Variants in KLHL4 observed in about 807,000 individuals in gnomAD.
KLHL4 encodes kelch like family member 4, also known as kelch-like protein 4.
In KLHL4, 17 loss-of-function variants were observed where a neutral mutation model predicts 45.8. The ratio of observed to expected loss-of-function variants is 0.37; its 90% CI spans 0.25 to 0.56. The LOEUF is 0.56. Among genes scored for constraint, KLHL4 ranks in the 20% least tolerant of loss-of-function variants. KLHL4 has a pLI of 0.79. For missense variants in KLHL4, 544 were observed against 544.9 expected (o/e 1.00, Z 0.02); for synonymous variants, 224 against 189.9 (o/e 1.18, Z -1.47).
chrX:87,597,418 T>C (rs748414647), intron 1 of KLHL4, among the ~76,000 whole-genome samples: 4 of 111,615 alleles, frequency 3.6e-5, no homozygotes, highest in African/African-American at 1.3e-4. Flanking sequence ...GTGGCACAGG[T>C]ATTAATACCA....
intron 1 of KLHL4, among the ~76,000 whole-genome samples, chrX:87,586,473 A>C (rs1921475254): frequency 1.8e-5 from 2 of 111,393 alleles, no homozygotes; most frequent in Non-Finnish European, 1.9e-5. Flanking sequence ...TAACAAGATA[A>C]ATTTTAGCAA....
chrX:87,646,642 G>T (rs905423601), intron 9 of KLHL4, among the ~76,000 whole-genome samples: 1 of 111,518 alleles, frequency 9.0e-6, no homozygotes, highest in Non-Finnish European at 1.9e-5. Flanking sequence ...CATAAAGTGG[G>T]GAAAGGACAC....
chrX:87,628,797 C>T (rs1923015039), intron 6 of KLHL4, among the ~76,000 whole-genome samples: 1 of 111,702 alleles, frequency 9.0e-6, no homozygotes, highest in African/African-American at 3.2e-5. Flanking sequence ...CTCTCTGACT[C>T]ATATAACAAG....
intron 1 of KLHL4, among the ~76,000 whole-genome samples, chrX:87,572,067 T>C (rs909892029): frequency 2.7e-5 from 3 of 111,328 alleles, no homozygotes; most frequent in Non-Finnish European, 5.7e-5. Context: ...AAGCAATCAG[T>C]TGAAATTCTG....
chrX:87,639,890 G>A (rs1381295121), intron 9 of KLHL4, among the ~76,000 whole-genome samples: 1 of 109,124 alleles, frequency 9.2e-6, no homozygotes, highest in Non-Finnish European at 1.9e-5. Context: ...AAATACAAAA[G>A]AGAAAACACA....
intron 3 of KLHL4, among the ~76,000 whole-genome samples, chrX:87,615,854 G>T (rs1245284332): frequency 1.8e-5 from 2 of 111,223 alleles, no homozygotes; most frequent in Non-Finnish European, 3.8e-5. Context: ...TAGGTATGGA[G>T]TTCCTTTTGG....
chrX:87,617,869 T>G, intron 3 of KLHL4, 63 bp from the exon 4 acceptor site: 1 of 954,329 alleles, frequency 1.0e-6, no homozygotes, highest in South Asian at 2.6e-5. Context: ...AAATGTCAAC[T>G]AGTTGACGTA....
intron 1 of KLHL4, among the ~76,000 whole-genome samples, chrX:87,603,722 T>A (rs1031214847): frequency 1.2e-4 from 13 of 110,686 alleles, no homozygotes; most frequent in African/African-American, 3.9e-4. Context: ...TATGTATTTA[T>A]TTCTTTGTGC....
In KLHL4 at chrX:87,668,481, G is replaced by A. The variant is rs990605522; in HGVS notation, c.*1947G>A. 4.0e-6 allele frequency: 3 copies of A among 751,907 alleles called. No homozygotes were observed. Among genetic ancestry groups the A allele is most frequent in the South Asian group, 6.8e-5 (1 of 14,664 alleles). The allele number at this position is 751,907 out of a possible 1,213,427, so 62.0% of individuals were successfully genotyped here. On this transcript the variant is annotated 3_prime_UTR_variant, in exon 11 of 11. Transcript: ENST00000373119. ...TTCCCGGGGCTACCCCTTCATAGCT[G>A]CATTTAAAAATGGTGTTCAGGCCAC...
chrX:87,666,421 A>G, intron 10 of KLHL4, 54 bp from the exon 11 acceptor site: 1 of 1,103,185 alleles, frequency 9.1e-7, no homozygotes. Flanking sequence ...AATATTTTAT[A>G]TTATGCTGAA....
chrX:87,622,372 A>G lies in KLHL4; in HGVS notation c.1086A>G (p.Gly362=). Reference sequence around the variant, plus strand: ...GGCATGATGTGCAGAATAGGCAAGGAGAACTGGGGATGCTGCTTTCTTACA... The same window carrying G: ...GGCATGATGTGCAGAATAGGCAAGGGGAACTGGGGATGCTGCTTTCTTACA... ...WVGHDVQNRQ[G]ELGMLLSYIR... Residue 362 remains glycine, a synonymous_variant, in exon 5 of 11, where the codon GGA becomes GGG. Transcript: ENST00000373119. 8.3e-7 allele frequency: 1 copy of G among 1,208,019 alleles called. No individual in the cohort carries two copies. Among genetic ancestry groups the G allele is most frequent in the African/African-American group, 1.7e-5 (1 of 57,728 alleles).
chrX:87,603,442 T>A (rs1467332483), intron 1 of KLHL4, among the ~76,000 whole-genome samples: 1 of 111,396 alleles, frequency 9.0e-6, no homozygotes, highest in East Asian at 2.8e-4. Flanking sequence ...GTCGTTAGTA[T>A]TTTTAGTGGT....
chrX:87,547,975 C>A (rs1459257427), intron 1 of KLHL4, among the ~76,000 whole-genome samples: 2 of 111,774 alleles, frequency 1.8e-5, no homozygotes, highest in Non-Finnish European at 3.8e-5. Flanking sequence ...AATTCTCAAA[C>A]CTGGAGAAAA....
chrX:87,646,040 T>A (rs1050342516), intron 9 of KLHL4, among the ~76,000 whole-genome samples: 5 of 111,131 alleles, frequency 4.5e-5, no homozygotes. Context: ...TGTACTCCAA[T>A]AATTTATGGA....
rs6617458 is a variant in KLHL4, at chrX:87,651,258, G to A, written c.1926-13506G>A. Among the ~76,000 whole-genome samples the A allele has an allele frequency of 2.6e-4, 29 of 111,492 alleles. No homozygotes were observed. The East Asian group carries it at 8.0e-3, about 31-fold the overall frequency. On this transcript the variant is annotated intron_variant, in intron 9 of 10. Transcript: ENST00000373119. ...AGGAATCATGGAAGCTACAATTCAA[G>A]ATGAGATTTGAGTGGGGACACAGCC...
At chrX:87,559,908 A>C (rs1185389777) in intron 1 of KLHL4, among the ~76,000 whole-genome samples, 1 of 111,728 alleles carries the variant, frequency 9.0e-6, no homozygotes, top group Non-Finnish European at 1.9e-5. Flanking sequence ...ATAAGCCATA[A>C]TGTATTCTGT....
intron 5 of KLHL4, 54 bp from the exon 6 acceptor site, chrX:87,625,556 G>A (rs754000445): frequency 6.2e-4 from 618 of 997,186 alleles, no homozygotes; most frequent in Non-Finnish European, 8.0e-4. Context: ...ATACAAATAC[G>A]TTCTTTCTAA....
intron 4 of KLHL4, among the ~76,000 whole-genome samples, chrX:87,618,912 C>A (rs1922655528): frequency 8.9e-6 from 1 of 111,981 alleles, no homozygotes; most frequent in Non-Finnish European, 1.9e-5. Flanking sequence ...CCTTTCAATT[C>A]TATTAACAAT....
chrX:87,584,426 A>G (rs1348600935), intron 1 of KLHL4, among the ~76,000 whole-genome samples: 3 of 112,264 alleles, frequency 2.7e-5, no homozygotes, highest in Non-Finnish European at 5.6e-5. Context: ...CAGATAATTC[A>G]AAAGAGCTGT....
Sources: gnomAD v4.1 joint callset for allele counts (sites outside exome capture counted in the v4.1 genomes callset) on GRCh38, gnomAD v4.1.1 for gene constraint, MANE v1.5 for transcripts, NCBI Gene and HGNC (gene_info 2026-07-23, HGNC 2026-07-21) for gene names.